GRIA4: variants seen among roughly 807,000 people sequenced by gnomAD.
The protein encoded by GRIA4 is glutamate ionotropic receptor AMPA type subunit 4.
A neutral mutation model predicts 104.0 loss-of-function variants in GRIA4; 34 were observed. The observed-to-expected ratio is 0.33, with a 90% CI of 0.25 to 0.44. GRIA4 has a LOEUF of 0.44. Ranked by LOEUF, GRIA4 falls within the 20% of genes least tolerant of loss-of-function variation. The pLI, the probability that GRIA4 is intolerant of heterozygous loss-of-function variation, is 1.00. For synonymous variants in GRIA4, 386 were observed against 381.9 expected, an observed-to-expected ratio of 1.01 and a Z score of -0.13; for missense variants, 750 against 1,096.5, an observed-to-expected ratio of 0.68 and a Z score of 4.46.
At chr11:105,626,271 A>G (rs1950884458) in intron 3 of GRIA4, among the ~76,000 whole-genome samples, 1 of 152,118 alleles carries the variant, frequency 6.6e-6, no homozygotes, top group Admixed American at 6.6e-5. Context: ...ACATACACAC[A>G]TACACACACA....
intron 4 of GRIA4, among the ~76,000 whole-genome samples, chr11:105,794,558 A>C (rs1942400508): frequency 7.2e-6 from 1 of 138,916 alleles, no homozygotes; most frequent in African/African-American, 2.6e-5. Context: ...ATATATACAT[A>C]TCTATCTATA....
At chr11:105,857,572 C>T (rs1435866802) in intron 4 of GRIA4, among the ~76,000 whole-genome samples, 1 of 152,094 alleles carries the variant, frequency 6.6e-6, no homozygotes, top group Non-Finnish European at 1.5e-5. Context: ...CTGGCATACC[C>T]TTCATCTTAT....
intron 10 of GRIA4, chr11:105,912,353 T>A: frequency 1.0e-6 from 1 of 975,228 alleles, no homozygotes; most frequent in Middle Eastern, 5.2e-4. Context: ...TAATGTGCAT[T>A]ATAGGTATGA....
intron 3 of GRIA4, among the ~76,000 whole-genome samples, chr11:105,642,106 C>T (rs371453039): frequency 6.6e-6 from 1 of 152,008 alleles, no homozygotes; most frequent in African/African-American, 2.4e-5. Context: ...ACCCTAATGA[C>T]CTCATTTTAA....
At chr11:105,950,762 C>T (rs796475618) in intron 14 of GRIA4, among the ~76,000 whole-genome samples, 2 of 152,162 alleles carry the variant, frequency 1.3e-5, no homozygotes, top group South Asian at 2.1e-4. Flanking sequence ...ACTGAAATTG[C>T]CATCTTACAA....
chr11:105,934,959 C>T (rs4405275), intron 14 of GRIA4, among the ~76,000 whole-genome samples: 1 of 152,222 alleles, frequency 6.6e-6, no homozygotes, highest in South Asian at 2.1e-4. Flanking sequence ...AACCAAGAAC[C>T]TGATCTTAAA....
intron 4 of GRIA4, among the ~76,000 whole-genome samples, chr11:105,753,914 G>A (rs1940155865): frequency 6.6e-6 from 1 of 152,116 alleles, no homozygotes; most frequent in Non-Finnish European, 1.5e-5. Context: ...CCCTTCCCAG[G>A]TGAGCCACCC....
At chr11:105,839,511 A>G (rs1944314887) in intron 4 of GRIA4, among the ~76,000 whole-genome samples, 1 of 150,558 alleles carries the variant, frequency 6.6e-6, no homozygotes, top group Admixed American at 6.6e-5. Flanking sequence ...TATAAAATGG[A>G]AAAACGTTAC....
At chr11:105,787,185 G>A (rs1942006061) in intron 4 of GRIA4, among the ~76,000 whole-genome samples, 1 of 152,096 alleles carries the variant, frequency 6.6e-6, no homozygotes, top group Admixed American at 6.6e-5. Context: ...GTATAAAGAA[G>A]TCTAAAGGCA....
chr11:105,931,265 T>TACACACAC lies in GRIA4; in HGVS notation c.2047-2426_2047-2419dup, dbSNP rs373334457. Reference sequence around the variant, plus strand: ...CAGAAGTATCCTGTCATTGCCTAAATACACACACACACACACACACACACA... The same window carrying TACACACAC: ...CAGAAGTATCCTGTCATTGCCTAAATACACACACACACACACACACACACACACACACA... On this transcript the variant is annotated intron_variant, in intron 13 of 16. Coordinates refer to ENST00000282499, the MANE Select transcript of GRIA4 (RefSeq NM_000829.4). Among the ~76,000 whole-genome samples, 1,365 of 143,768 alleles carry TACACACAC rather than the reference T, an allele frequency of 9.5e-3. 28 individuals are homozygous for TACACACAC. Among genetic ancestry groups the TACACACAC allele is most frequent in the African/African-American group, 0.03 (1,194 of 39,418 alleles). 94.3% of individuals were successfully genotyped at this position (143,768 alleles called of 152,430 possible).
At chr11:105,955,672 C>T (rs1227325717) in intron 14 of GRIA4, among the ~76,000 whole-genome samples, 3 of 152,086 alleles carry the variant, frequency 2.0e-5, no homozygotes, top group African/African-American at 4.8e-5. Flanking sequence ...ATTTCTGGTT[C>T]GAGATCCTTG....
intron 13 of GRIA4, among the ~76,000 whole-genome samples, chr11:105,931,837 A>C: frequency 6.6e-6 from 1 of 152,202 alleles, no homozygotes; most frequent in Non-Finnish European, 1.5e-5. Context: ...ATGAAATCAA[A>C]AATTTGAATC....
chr11:105,954,478 A>G (rs1027906959), intron 14 of GRIA4, among the ~76,000 whole-genome samples: 2 of 152,204 alleles, frequency 1.3e-5, no homozygotes, highest in Non-Finnish European at 2.9e-5. Context: ...ATTTAAGTTC[A>G]TCATCATCTT....
At chr11:105,974,821 A>T in intron 16 of GRIA4, 1 of 272,230 alleles carries the variant, frequency 3.7e-6, no homozygotes, top group Non-Finnish European at 7.0e-6. Context: ...AGTATATTCT[A>T]CCTGAAATTT....
At chr11:105,953,861 A>G (rs1948521014) in intron 14 of GRIA4, among the ~76,000 whole-genome samples, 1 of 152,212 alleles carries the variant, frequency 6.6e-6, no homozygotes, top group South Asian at 2.1e-4. Flanking sequence ...TGTTAGGGAA[A>G]GAACATAGTT....
intron 3 of GRIA4, among the ~76,000 whole-genome samples, chr11:105,631,523 C>G (rs1213928429): frequency 6.6e-6 from 1 of 152,150 alleles, no homozygotes; most frequent in Non-Finnish European, 1.5e-5. Context: ...AGATAACAAA[C>G]TATTTATCAC....
intron 4 of GRIA4, among the ~76,000 whole-genome samples, chr11:105,801,304 G>A (rs1942711084): frequency 6.6e-6 from 1 of 151,668 alleles, no homozygotes; most frequent in Middle Eastern, 3.9e-3. Context: ...GATATTGAAT[G>A]TTAAGCCTCA....
At chr11:105,893,836 T>G (rs1438180644) in intron 6 of GRIA4, among the ~76,000 whole-genome samples, 1 of 152,218 alleles carries the variant, frequency 6.6e-6, no homozygotes, top group Admixed American at 6.5e-5. Context: ...CCTGTGGGTC[T>G]GCCGTATACT....
chr11:105,826,793 A>T (rs1943786107), intron 4 of GRIA4, among the ~76,000 whole-genome samples: 1 of 152,024 alleles, frequency 6.6e-6, no homozygotes, highest in Admixed American at 6.6e-5. Flanking sequence ...TGGGTCTACG[A>T]ACATCCAAAT....
Sources: gnomAD v4.1 joint callset for allele counts (sites outside exome capture counted in the v4.1 genomes callset) on GRCh38, gnomAD v4.1.1 for gene constraint, MANE v1.5 for transcripts, NCBI Gene and HGNC (gene_info 2026-07-23, HGNC 2026-07-21) for gene names.